The following ADCY9 variants were observed in gnomAD, a reference collection of about 807,000 sequenced individuals.
ADCY9 encodes the protein adenylate cyclase 9, also known as adenylate cyclase type 9.
ADCY9 carries 50 observed loss-of-function variants against 101.5 expected under a neutral mutation model. The observed-to-expected ratio is 0.49, with a 90% CI of 0.39 to 0.62. ADCY9 has a LOEUF of 0.62. Ranked by LOEUF, ADCY9 falls within the 20% of genes least tolerant of loss-of-function variation. The pLI, the probability that ADCY9 is intolerant of heterozygous loss-of-function variation, is 0.00. For synonymous variants in ADCY9, 905 were observed against 769.3 expected (o/e 1.18, Z -2.92); for missense variants, 1,662 against 1,800.4 (o/e 0.92, Z 1.39).
At chr16:3,999,170 G>C (rs1399441143) in intron 3 of ADCY9, among the ~76,000 whole-genome samples, 1 of 152,174 alleles carries the variant, frequency 6.6e-6, no homozygotes, top group Non-Finnish European at 1.5e-5. Context: ...AGGCATGGAA[G>C]CACCTCACTG....
chr16:3,961,263 C>T (rs566273102), downstream of ADCY9, among the ~76,000 whole-genome samples: 19 of 152,094 alleles, frequency 1.2e-4, no homozygotes, highest in African/African-American at 3.9e-4. Context: ...GCCTGGCCAA[C>T]ATGGCAAGAC....
intron 5 of ADCY9, among the ~76,000 whole-genome samples, chr16:3,957,457 G>T (rs901844272): frequency 6.6e-6 from 1 of 151,836 alleles, no homozygotes; most frequent in African/African-American, 2.4e-5. Flanking sequence ...GTTGCTGAAG[G>T]TTTATCTACA....
intron 2 of ADCY9, among the ~76,000 whole-genome samples, chr16:4,065,710 A>G (rs1237934547): frequency 6.6e-6 from 1 of 152,234 alleles, no homozygotes; most frequent in East Asian, 1.9e-4. Flanking sequence ...CTGGGATTAC[A>G]GGCATGAGCC....
intron 2 of ADCY9, among the ~76,000 whole-genome samples, chr16:4,111,274 T>G (rs752256454): frequency 1.9e-4 from 29 of 151,172 alleles, no homozygotes; most frequent in African/African-American, 2.4e-4. Context: ...AGTATTGGGG[T>G]TTTTTTTGTT....
At chr16:3,987,361 G>A (rs1381672614) in intron 6 of ADCY9, among the ~76,000 whole-genome samples, 2 of 152,252 alleles carry the variant, frequency 1.3e-5, no homozygotes, top group Non-Finnish European at 2.9e-5. Context: ...AAAGGTGTCT[G>A]CTGTTTGGGA....
At chr16:4,068,108 A>C (rs2141166509) in intron 2 of ADCY9, among the ~76,000 whole-genome samples, 1 of 152,286 alleles carries the variant, frequency 6.6e-6, no homozygotes, top group Non-Finnish European at 1.5e-5. Context: ...TTAGGAAATA[A>C]AAAATGCATA....
At chr16:4,084,099 C>A (rs1290281211) in intron 2 of ADCY9, among the ~76,000 whole-genome samples, 2 of 151,856 alleles carry the variant, frequency 1.3e-5, no homozygotes, top group Non-Finnish European at 2.9e-5. Context: ...ATAAAGCTTT[C>A]TTTTGTTTGT....
At position 4,116,324 on chromosome 16, in the gene ADCY9, C is replaced by T. The variant is rs1228272587; in HGVS notation, c.-678G>A. ...CCCGCGCCCACGCCGGGGGCCGCCT[C>T]CCCGAGCTAGAGATGCGGCCGCCGC... On this transcript the variant is annotated 5_prime_UTR_variant, in exon 1 of 11. Coordinates refer to ENST00000294016, the MANE Select transcript of ADCY9 (RefSeq NM_001116.4). 2.1e-5 allele frequency: 3 copies of T among 146,294 alleles called. No homozygotes were observed. Among genetic ancestry groups the T allele is most frequent in the Non-Finnish European group, 4.6e-5 (3 of 65,490 alleles). The allele number at this position is 146,294 out of a possible 1,614,324, so 9.1% of individuals were successfully genotyped here.
intron 2 of ADCY9, among the ~76,000 whole-genome samples, chr16:4,070,063 A>T (rs1366605979): frequency 6.6e-6 from 1 of 152,000 alleles, no homozygotes; most frequent in East Asian, 1.9e-4. Context: ...GCGCTACTGC[A>T]CTCCAGCCTC....
intron 2 of ADCY9, among the ~76,000 whole-genome samples, chr16:4,019,477 G>C (rs935947851): frequency 6.6e-6 from 1 of 152,216 alleles, no homozygotes; most frequent in Non-Finnish European, 1.5e-5. Context: ...AAGCAAAACC[G>C]AGGCAGTGAG....
Position 3,965,365 on chromosome 16 carries a change from C to G in ADCY9, c.*410G>C. On this transcript the variant is annotated 3_prime_UTR_variant, in exon 11 of 11. Transcript: ENST00000294016. ...AATAAACTCAAAAACAGGGTATTAGCCAGAGAACCGAAAATAGTGTCTCGT... is the reference window on the plus strand; with the variant it reads ...AATAAACTCAAAAACAGGGTATTAGGCAGAGAACCGAAAATAGTGTCTCGT... The G allele has an allele frequency of 4.6e-6, 1 of 219,446 alleles. No homozygotes were observed. Among genetic ancestry groups the G allele is most frequent in the Non-Finnish European group, 9.1e-6 (1 of 110,262 alleles). 13.6% of individuals were successfully genotyped at this position (219,446 alleles called of 1,614,324 possible). A position where few individuals can be genotyped will look rare whatever the true frequency, so the allele number is the denominator to read the frequency against.
In ADCY9 at chr16:3,974,711, C is replaced by A. The variant is rs772687289; in HGVS notation, c.2829-1G>T. On this transcript the variant is annotated splice_acceptor_variant, in intron 9 of 10. Coordinates refer to ENST00000294016, the MANE Select transcript of ADCY9 (RefSeq NM_001116.4). LOFTEE classifies it high-confidence loss of function. ...GTCAAGGGGCGAAGTTAATACAGAA[C>A]TGAAATTAAAATGCAGAAAAATATT... 16 of 1,611,874 alleles carry A rather than the reference C, an allele frequency of 9.9e-6. No homozygotes were observed. The South Asian group carries it at 1.6e-4, about 17-fold the overall frequency.
rs979869885 is a variant in ADCY9, at chr16:4,092,163, G to A, written c.1693+21587C>T. Among the ~76,000 whole-genome samples, 5 of 152,170 alleles carry A rather than the reference G, an allele frequency of 3.3e-5. No individual in the cohort carries two copies. The East Asian group carries it at 5.8e-4, about 18-fold the overall frequency. ...CGGGTGCCTGTAATCACCGGTACTT[G>A]GGAGGCTGAGGCACGAGAATTGCCT... On this transcript the variant is annotated intron_variant, in intron 2 of 10. Coordinates refer to ENST00000294016, the MANE Select transcript of ADCY9 (RefSeq NM_001116.4).
intron 7 of ADCY9, among the ~76,000 whole-genome samples, chr16:3,980,038 T>C (rs2056127351): frequency 6.6e-6 from 1 of 152,238 alleles, no homozygotes; most frequent in Non-Finnish European, 1.5e-5. Flanking sequence ...TCGTGGCGCT[T>C]AGACCACCAA....
At chr16:4,078,490 G>A (rs954150781) in intron 2 of ADCY9, among the ~76,000 whole-genome samples, 2 of 150,094 alleles carry the variant, frequency 1.3e-5, no homozygotes, top group Admixed American at 6.7e-5. Context: ...CTAAGCCTAG[G>A]AGGTCAAAGC....
intron 2 of ADCY9, among the ~76,000 whole-genome samples, chr16:4,009,200 A>G (rs2056387056): frequency 6.6e-6 from 1 of 152,186 alleles, no homozygotes; most frequent in African/African-American, 2.4e-5. Context: ...ATAGCTGAGA[A>G]TCAAAAGACT....
intron 2 of ADCY9, among the ~76,000 whole-genome samples, chr16:4,082,902 G>T (rs1432095503): frequency 1.3e-5 from 2 of 152,224 alleles, no homozygotes; most frequent in Admixed American, 1.3e-4. Flanking sequence ...GCTGAGAGAT[G>T]TCTGCTTAGT....
chr16:4,088,066 C>T (rs959237760), intron 2 of ADCY9, among the ~76,000 whole-genome samples: 4 of 151,626 alleles, frequency 2.6e-5, no homozygotes, highest in African/African-American at 7.3e-5. Context: ...CCACCATGCC[C>T]GGCTAACTTG....
chr16:3,971,079 C>T (rs768212085), intron 10 of ADCY9, among the ~76,000 whole-genome samples: 1 of 152,144 alleles, frequency 6.6e-6, no homozygotes, highest in African/African-American at 2.4e-5. Flanking sequence ...GCTGAATACC[C>T]GCTTTCCTGC....
Sources: allele counts gnomAD v4.1 joint callset (sites outside exome capture counted in the v4.1 genomes callset), GRCh38; gene constraint gnomAD v4.1.1; transcripts MANE v1.5; gene names NCBI Gene and HGNC (gene_info 2026-07-23, HGNC 2026-07-21).